CDIN1: variants seen among roughly 807,000 people sequenced by gnomAD.
CDIN1 encodes the protein CDAN1 interacting nuclease 1.
A neutral mutation model predicts 45.3 loss-of-function variants in CDIN1; 33 were observed. That is an observed-to-expected ratio of 0.73 (90% CI 0.55 to 0.97). The LOEUF (loss-of-function observed/expected upper bound fraction) is 0.97, where lower values mean the gene tolerates loss of function less well. Ranked by LOEUF, CDIN1 falls within the 50% of genes least tolerant of loss-of-function variation. The pLI is 0.00. For missense variants in CDIN1, 303 were observed against 339.4 expected (o/e 0.89, Z 0.84); for synonymous variants, 118 against 124.4 (o/e 0.95, Z 0.34).
intron 1 of CDIN1, among the ~76,000 whole-genome samples, chr15:36,616,799 C>A (rs2038914276): frequency 6.6e-6 from 1 of 151,896 alleles, no homozygotes; most frequent in Non-Finnish European, 1.5e-5. Context: ...GTGGCGCATG[C>A]CTGTAATCCC....
intron 10 of CDIN1, among the ~76,000 whole-genome samples, chr15:36,798,033 A>T: frequency 6.6e-6 from 1 of 151,462 alleles, no homozygotes; most frequent in Non-Finnish European, 1.5e-5. Context: ...AGCAAAAAAA[A>T]AAAAAAAAAA....
rs35140623 is a variant in CDIN1, at chr15:36,608,976, TATAGATAGATAGATAG to T, written c.101+29043_101+29058del. Among the ~76,000 whole-genome samples, 1,191 of 149,432 alleles carry T rather than the reference TATAGATAGATAGATAG, an allele frequency of 8.0e-3. 15 individuals carry two copies. The highest frequency in any genetic ancestry group is 0.027 in the African/African-American group (1,091 of 40,506). On this transcript the variant is annotated intron_variant, in intron 1 of 10. Transcript: ENST00000566621. Reference sequence around the variant, plus strand: ...CTGTGTGTGTGTATGTATGTGTGTATATAGATAGATAGATAGATAGATAGATAGATAGATAGATAGA... The same window carrying T: ...CTGTGTGTGTGTATGTATGTGTGTATATAGATAGATAGATAGATAGATAGA...
At chr15:36,588,312 G>A (rs950364860) in intron 1 of CDIN1, among the ~76,000 whole-genome samples, 1 of 152,046 alleles carries the variant, frequency 6.6e-6, no homozygotes, top group Non-Finnish European at 1.5e-5. Flanking sequence ...ATACCGTAGG[G>A]CTTGGTATAC....
intron 10 of CDIN1, among the ~76,000 whole-genome samples, chr15:36,759,460 G>GT (rs1173405416): frequency 1.3e-5 from 2 of 151,636 alleles, no homozygotes; most frequent in African/African-American, 2.4e-5. Context: ...AGATAAATAT[G>GT]TTTTTTCTTG....
intron 10 of CDIN1, among the ~76,000 whole-genome samples, chr15:36,744,437 G>A (rs1161580851): frequency 1.3e-5 from 2 of 152,120 alleles, no homozygotes; most frequent in Non-Finnish European, 2.9e-5. Flanking sequence ...TAAACTCCTT[G>A]AGAGCAAGGG....
intron 1 of CDIN1, among the ~76,000 whole-genome samples, chr15:36,620,314 G>A (rs189458885): frequency 0.016 from 2,475 of 152,082 alleles, 25 homozygotes; most frequent in Non-Finnish European, 0.026. Flanking sequence ...TGGCGCCACC[G>A]CACTCCAGCC....
chr15:36,735,336 A>C (rs2043978708), intron 10 of CDIN1, among the ~76,000 whole-genome samples: 1 of 152,152 alleles, frequency 6.6e-6, no homozygotes, highest in African/African-American at 2.4e-5. Flanking sequence ...TTTTAGTGTA[A>C]AATTTAATGT....
rs201183438 is a variant in CDIN1 at position 36,734,539 on chromosome 15, G to A, written c.716+24578G>A. 2.5e-4 allele frequency among the ~76,000 whole-genome samples: 38 copies of A among 152,130 alleles called. No individual in the cohort carries two copies. The East Asian group carries it at 6.2e-3, about 25-fold the overall frequency. On this transcript the variant is annotated intron_variant, in intron 10 of 10. Transcript: ENST00000566621. ...AAGTAGCTGTTTATAAATAACCCAA[G>A]TTTGTTCTTCTAGAGCTTCAGAGCT...
chr15:36,594,267 T>TA (rs202181438), intron 1 of CDIN1, among the ~76,000 whole-genome samples: 1 of 151,848 alleles, frequency 6.6e-6, no homozygotes, highest in African/African-American at 2.4e-5. Context: ...GTTTTTGCAT[T>TA]AAAAAAAATA....
At chr15:36,795,329 G>A (rs951449402) in intron 10 of CDIN1, among the ~76,000 whole-genome samples, 4 of 152,184 alleles carry the variant, frequency 2.6e-5, no homozygotes, top group Non-Finnish European at 4.4e-5. Flanking sequence ...ATAATTATTT[G>A]AGGTAATGGA....
intron 10 of CDIN1, among the ~76,000 whole-genome samples, chr15:36,774,179 C>T (rs546730845): frequency 1.4e-5 from 2 of 147,752 alleles, no homozygotes; most frequent in African/African-American, 2.7e-5. Flanking sequence ...CGCGCGCATG[C>T]ATGAGGGGAG....
intron 10 of CDIN1, among the ~76,000 whole-genome samples, chr15:36,772,214 G>A (rs1346287614): frequency 6.6e-6 from 1 of 151,876 alleles, no homozygotes; most frequent in Non-Finnish European, 1.5e-5. Flanking sequence ...TTTTTAGTAA[G>A]GTGGTGTCAA....
chr15:36,700,695 C>A (rs566080157), intron 8 of CDIN1, among the ~76,000 whole-genome samples: 3 of 151,042 alleles, frequency 2.0e-5, no homozygotes, highest in Non-Finnish European at 2.9e-5. Context: ...TTTTAAAGAA[C>A]CAAACTTTTT....
At chr15:36,587,430 C>T (rs201634951) in intron 1 of CDIN1, among the ~76,000 whole-genome samples, 1 of 63,112 alleles carries the variant, frequency 1.6e-5, no homozygotes, top group Non-Finnish European at 3.9e-5. Context: ...TTGAAGCTGG[C>T]CATATTGTGT....
intron 10 of CDIN1, among the ~76,000 whole-genome samples, chr15:36,712,743 A>G (rs74008758): frequency 0.02 from 3,087 of 152,220 alleles, 108 homozygotes; most frequent in African/African-American, 0.071. Context: ...AATCAGTGCT[A>G]CTGAGTAAAG....
At chr15:36,808,049 A>G (rs929017813) in intron 10 of CDIN1, among the ~76,000 whole-genome samples, 2 of 152,140 alleles carry the variant, frequency 1.3e-5, no homozygotes. Context: ...GCCCAAGCTC[A>G]TAACACCTTA....
At chr15:36,717,824 A>C (rs1053395041) in intron 10 of CDIN1, among the ~76,000 whole-genome samples, 1 of 152,124 alleles carries the variant, frequency 6.6e-6, no homozygotes, top group South Asian at 2.1e-4. Context: ...TCTGCTTCCC[A>C]TCTTCCTCAT....
At chr15:36,701,171 T>C (rs1566912760) in intron 8 of CDIN1, among the ~76,000 whole-genome samples, 1 of 146,652 alleles carries the variant, frequency 6.8e-6, no homozygotes, top group Non-Finnish European at 1.5e-5. Flanking sequence ...GATAGATAGA[T>C]AGATATGAGC....
chr15:36,730,094 G>C (rs899632175), intron 10 of CDIN1, among the ~76,000 whole-genome samples: 2 of 151,944 alleles, frequency 1.3e-5, no homozygotes, highest in African/African-American at 4.8e-5. Flanking sequence ...TAAATACATT[G>C]ACCTATTCAT....
Sources: allele counts gnomAD v4.1 joint callset (sites outside exome capture counted in the v4.1 genomes callset), GRCh38; gene constraint gnomAD v4.1.1; transcripts MANE v1.5; gene names NCBI Gene and HGNC (gene_info 2026-07-23, HGNC 2026-07-21).